PHKB: variants seen among roughly 807,000 people sequenced by gnomAD.
PHKB encodes phosphorylase b kinase regulatory subunit beta.
Under a neutral mutation model 152.1 loss-of-function variants are expected in PHKB, and 122 were observed. The observed-to-expected ratio is 0.80, with a 90% CI of 0.69 to 0.93. The LOEUF (loss-of-function observed/expected upper bound fraction) is 0.93. PHKB is among the 40% of genes least tolerant of loss of function. The probability of loss-of-function intolerance (pLI) is 0.00; values close to 1 mark genes in which losing one functional copy is unlikely to be tolerated. For missense variants in PHKB, 1,304 were observed against 1,328.4 expected, an observed-to-expected ratio of 0.98 and a Z score of 0.29; for synonymous variants, 436 against 464.9, an observed-to-expected ratio of 0.94 and a Z score of 0.80.
At chr16:47,476,446 T>C (rs1567271739) in intron 1 of PHKB, among the ~76,000 whole-genome samples, 1 of 152,168 alleles carries the variant, frequency 6.6e-6, no homozygotes, top group Admixed American at 6.5e-5. Context: ...CAATTCTTAA[T>C]AGGCTTGTAG....
intron 7 of PHKB, 118 bp from the exon 8 acceptor site, chr16:47,580,177 T>A: frequency 1.3e-6 from 1 of 783,898 alleles, no homozygotes; most frequent in South Asian, 1.5e-5. Context: ...TTATTCTTCT[T>A]ACAGAAGTTG....
intron 1 of PHKB, among the ~76,000 whole-genome samples, chr16:47,494,130 G>T (rs898710053): frequency 6.6e-6 from 1 of 152,198 alleles, no homozygotes; most frequent in Non-Finnish European, 1.5e-5. Flanking sequence ...TGGTACCAAG[G>T]TGCTGATTGC....
intron 17 of PHKB, 140 bp from the exon 18 acceptor site, chr16:47,648,960 A>G: frequency 1.5e-6 from 1 of 661,300 alleles, no homozygotes; most frequent in South Asian, 1.8e-5. Flanking sequence ...TTTAAATATT[A>G]TCTGGATGTC....
intron 7 of PHKB, among the ~76,000 whole-genome samples, chr16:47,557,995 C>T (rs979748048): frequency 1.6e-4 from 24 of 151,772 alleles, no homozygotes; most frequent in Middle Eastern, 3.4e-3. Flanking sequence ...AAATGTCCAA[C>T]AATGATAGAC....
At chr16:47,681,973 C>T (rs1012215980) in intron 26 of PHKB, among the ~76,000 whole-genome samples, 25 of 152,144 alleles carry the variant, frequency 1.6e-4, no homozygotes, top group Non-Finnish European at 2.5e-4. Flanking sequence ...CTGGTGGTGA[C>T]AAAATCTCTC....
At chr16:47,658,141 A>G (rs1310099056) in intron 20 of PHKB, among the ~76,000 whole-genome samples, 1 of 152,042 alleles carries the variant, frequency 6.6e-6, no homozygotes, top group East Asian at 1.9e-4. Flanking sequence ...TTCATCTCCT[A>G]CCAGCTGCCC....
chr16:47,533,764 G>A (rs896149827), intron 6 of PHKB, among the ~76,000 whole-genome samples: 1 of 152,146 alleles, frequency 6.6e-6, no homozygotes, highest in Non-Finnish European at 1.5e-5. Flanking sequence ...GAGATGCCTG[G>A]GTCTGCAGCC....
At chr16:47,561,238 A>T (rs1023665661) in intron 7 of PHKB, 2 of 152,208 alleles carry the variant, frequency 1.3e-5, no homozygotes, top group Admixed American at 1.3e-4. Context: ...AACTTAAAAA[A>T]CAGTGGGCAG....
intron 3 of PHKB, among the ~76,000 whole-genome samples, chr16:47,501,726 T>G (rs573936520): frequency 6.6e-6 from 1 of 152,304 alleles, no homozygotes; most frequent in Non-Finnish European, 1.5e-5. Context: ...AGATTTGAAA[T>G]TTTTCTAAAT....
At chr16:47,571,680 G>A (rs1010020084) in intron 7 of PHKB, among the ~76,000 whole-genome samples, 2 of 152,178 alleles carry the variant, frequency 1.3e-5, no homozygotes, top group African/African-American at 4.8e-5. Context: ...CTGAGCTCCT[G>A]TGGGAGAAGG....
chr16:47,675,519 A>ACACACTCTCTCTCT (rs1491544334), intron 26 of PHKB: 9 of 88,092 alleles, frequency 1.0e-4, no homozygotes, highest in African/African-American at 1.6e-4. Context: ...ACACACACAC[A>ACACACTCTCTCTCT]CTCTCTCTCT....
intron 8 of PHKB, among the ~76,000 whole-genome samples, chr16:47,586,003 ATAT>A (rs1222061242): frequency 6.6e-6 from 1 of 152,180 alleles, no homozygotes; most frequent in African/African-American, 2.4e-5. Context: ...GGCTCCTAAC[ATAT>A]TATATCCATT....
chr16:47,671,336 G>T (rs1287129140), intron 26 of PHKB, among the ~76,000 whole-genome samples: 2 of 152,018 alleles, frequency 1.3e-5, no homozygotes, highest in Non-Finnish European at 2.9e-5. Flanking sequence ...CTTATAAGAA[G>T]CATGTAACAT....
intron 30 of PHKB, 180 bp from the exon 31 acceptor site, chr16:47,699,049 A>G (rs1974203803): frequency 1.6e-6 from 1 of 631,580 alleles, no homozygotes; most frequent in Admixed American, 2.9e-5. Context: ...GAATACTAAA[A>G]ATATCTGTCT....
At chr16:47,544,203 C>T (rs569158432) in intron 6 of PHKB, among the ~76,000 whole-genome samples, 11 of 152,070 alleles carry the variant, frequency 7.2e-5, no homozygotes, top group Non-Finnish European at 1.3e-4. Flanking sequence ...TGGATCTTTC[C>T]CAGTTTCTCC....
At chr16:47,610,345 T>G (rs900229307) in intron 13 of PHKB, among the ~76,000 whole-genome samples, 1 of 151,866 alleles carries the variant, frequency 6.6e-6, no homozygotes, top group Non-Finnish European at 1.5e-5. Flanking sequence ...AAATAGGTTA[T>G]TGATTTGAGA....
intron 26 of PHKB, among the ~76,000 whole-genome samples, chr16:47,683,853 G>A (rs898559846): frequency 4.6e-5 from 7 of 152,138 alleles, no homozygotes; most frequent in African/African-American, 1.7e-4. Context: ...CTTCTGCATC[G>A]CTCACGCTGG....
At chr16:47,610,487 T>C (rs550088961) in intron 13 of PHKB, among the ~76,000 whole-genome samples, 1 of 152,280 alleles carries the variant, frequency 6.6e-6, no homozygotes, top group East Asian at 1.9e-4. Context: ...TAGAATATAT[T>C]TTCTCATTTC....
At chr16:47,657,053 C>T (rs114740754) in intron 20 of PHKB, among the ~76,000 whole-genome samples, 2,268 of 152,120 alleles carry the variant, frequency 0.015, 56 homozygotes, top group African/African-American at 0.052. Flanking sequence ...AGTGAAGCCT[C>T]GGGGACTGGA....
Sources: gnomAD v4.1 joint callset for allele counts (sites outside exome capture counted in the v4.1 genomes callset) on GRCh38, gnomAD v4.1.1 for gene constraint, MANE v1.5 for transcripts, NCBI Gene and HGNC (gene_info 2026-07-23, HGNC 2026-07-21) for gene names.